The following LCLAT1 variants were observed in gnomAD, a reference collection of about 807,000 sequenced individuals.
LCLAT1 encodes the protein lysocardiolipin acyltransferase 1.
In LCLAT1, 11 loss-of-function variants were observed where a neutral mutation model predicts 30.7. That is an observed-to-expected ratio of 0.36 (90% confidence interval 0.23 to 0.59). The LOEUF is 0.59. Among genes scored for constraint, LCLAT1 ranks in the 20% least tolerant of loss-of-function variants. LCLAT1 has a pLI of 0.77. For synonymous variants in LCLAT1, 155 were observed against 151.3 expected, an observed-to-expected ratio of 1.02 and a Z score of -0.18; for missense variants, 402 against 458.6, an observed-to-expected ratio of 0.88 and a Z score of 1.13.
intron 3 of LCLAT1, chr2:30,552,627 GA>G: frequency 2.5e-6 from 1 of 392,402 alleles, no homozygotes; most frequent in Admixed American, 2.8e-5. Context: ...GAGGGATGTG[GA>G]GAGCATTACC....
At position 30,640,806 on chromosome 2, in the gene LCLAT1, T is replaced by C. The variant is rs748759571; in HGVS notation, c.*187T>C. 17 of 657,422 alleles carry C rather than the reference T, an allele frequency of 2.6e-5. No individual in the cohort carries two copies. The highest frequency in any genetic ancestry group is 4.0e-5 in the Non-Finnish European group (16 of 402,116). 40.7% of individuals were successfully genotyped at this position (657,422 alleles called of 1,614,324 possible). On this transcript the variant is annotated 3_prime_UTR_variant, in exon 6 of 6. Coordinates refer to ENST00000379509, the MANE Select transcript of LCLAT1 (RefSeq NM_001002257.3). The stretch of plus-strand genomic sequence containing the variant: ...TACAATTTTTTTTAATCTCTGAATG[T>C]AATTTCGATACTGTGTACATAGCAG...
At chr2:30,478,165 G>C (rs1039004264) in intron 1 of LCLAT1, among the ~76,000 whole-genome samples, 1 of 151,846 alleles carries the variant, frequency 6.6e-6, no homozygotes, top group African/African-American at 2.4e-5. Flanking sequence ...TGGGGTGTTA[G>C]GAGATAGTTT....
chr2:30,563,919 A>C lies in LCLAT1; in HGVS notation c.511+1627A>C, dbSNP rs753739845. ...GACACATCTATTGCAGATGGAACTG[A>C]GCTAAATGAACGGTGGCACTTTTTT... is the stretch of plus-strand genomic sequence containing the variant. On this transcript the variant is annotated intron_variant, in intron 4 of 5. Coordinates refer to ENST00000379509, the MANE Select transcript of LCLAT1 (RefSeq NM_001002257.3). Among the ~76,000 whole-genome samples, 8 of 152,320 alleles carry C rather than the reference A, an allele frequency of 5.3e-5. No individual in the cohort carries two copies. In the Middle Eastern group the frequency reaches 0.01, roughly 194 times the overall value.
intron 1 of LCLAT1, among the ~76,000 whole-genome samples, chr2:30,487,778 G>C (rs1319857584): frequency 1.3e-5 from 2 of 152,170 alleles, no homozygotes; most frequent in Non-Finnish European, 2.9e-5. Flanking sequence ...CTTGGGCTAA[G>C]TGCTGAACCA....
Position 30,447,348 on chromosome 2 carries a change from C to A in LCLAT1, c.-40C>A, listed in dbSNP as rs13404307. The A allele has an allele frequency of 0.12, 18,869 of 151,930 alleles. 1,313 individuals carry two copies. Among genetic ancestry groups the A allele is most frequent in the South Asian group, 0.23 (1,077 of 4,786 alleles). The allele number at this position is 151,930 out of a possible 1,614,324, so 9.4% of individuals were successfully genotyped here. On this transcript the variant is annotated 5_prime_UTR_variant, in exon 1 of 6. Coordinates refer to ENST00000379509, the MANE Select transcript of LCLAT1 (RefSeq NM_001002257.3). Reference sequence around the variant, plus strand: ...GGAGCCCCAGCTTGCCCACGCACCCCACTCGGCGTCGCGCGGCGTGCCCTG... The same window carrying A: ...GGAGCCCCAGCTTGCCCACGCACCCAACTCGGCGTCGCGCGGCGTGCCCTG...
At chr2:30,575,374 C>T (rs138603396) in intron 5 of LCLAT1, among the ~76,000 whole-genome samples, 1 of 152,100 alleles carries the variant, frequency 6.6e-6, no homozygotes, top group East Asian at 1.9e-4. Context: ...TATAGGTACT[C>T]AATAAATTTA....
intron 1 of LCLAT1, among the ~76,000 whole-genome samples, chr2:30,504,224 C>G (rs960528052): frequency 2.6e-5 from 4 of 151,876 alleles, no homozygotes; most frequent in Non-Finnish European, 5.9e-5. Context: ...ACATATATTA[C>G]ATGTAACATA....
intron 1 of LCLAT1, among the ~76,000 whole-genome samples, chr2:30,497,885 C>T (rs1195792867): frequency 5.3e-5 from 8 of 152,128 alleles, no homozygotes; most frequent in East Asian, 1.9e-4. Flanking sequence ...CTGCCTGCAC[C>T]ATGGAGTCCT....
intron 1 of LCLAT1, among the ~76,000 whole-genome samples, chr2:30,473,083 TTTCCATCTTGGAAAATA>T: frequency 6.6e-6 from 1 of 152,170 alleles, no homozygotes; most frequent in East Asian, 1.9e-4. Context: ...AGGAGAGAGA[TTTCCATCTTGGAAAATA>T]GTTTGTCTGG....
intron 3 of LCLAT1, among the ~76,000 whole-genome samples, chr2:30,551,682 G>C (rs1400205717): frequency 6.6e-6 from 1 of 152,182 alleles, no homozygotes; most frequent in Non-Finnish European, 1.5e-5. Context: ...TACGGGATCT[G>C]TTTCCTAGCC....
At chr2:30,600,817 T>TGAATGTTGGCCCGTCTTC (rs1345058945) in intron 5 of LCLAT1, among the ~76,000 whole-genome samples, 1 of 152,172 alleles carries the variant, frequency 6.6e-6, no homozygotes, top group East Asian at 1.9e-4. Context: ...TCCTGAGATT[T>TGAATGTTGGCCCGTCTTC]GAATGTTGGC....
At chr2:30,519,855 T>C (rs1685388464) in intron 1 of LCLAT1, among the ~76,000 whole-genome samples, 1 of 152,218 alleles carries the variant, frequency 6.6e-6, no homozygotes, top group Admixed American at 6.5e-5. Context: ...CGTTTGTTAC[T>C]GTTCGAGCTG....
intron 5 of LCLAT1, among the ~76,000 whole-genome samples, chr2:30,579,297 A>G (rs868663601): frequency 8.5e-5 from 13 of 152,158 alleles, no homozygotes; most frequent in Non-Finnish European, 1.6e-4. Flanking sequence ...TGTACATATT[A>G]TCTTTAAAGC....
chr2:30,519,115 G>A (rs1685344239), intron 1 of LCLAT1, among the ~76,000 whole-genome samples: 1 of 152,178 alleles, frequency 6.6e-6, no homozygotes, highest in African/African-American at 2.4e-5. Flanking sequence ...CCCTCACTGA[G>A]GAACACATCC....
intron 5 of LCLAT1, among the ~76,000 whole-genome samples, chr2:30,621,501 G>A (rs567442126): frequency 5.9e-5 from 9 of 152,250 alleles, no homozygotes; most frequent in Admixed American, 4.6e-4. Context: ...GACTCACATC[G>A]TGGGCTTTTG....
chr2:30,598,805 CTT>C (rs1667046561), intron 5 of LCLAT1, among the ~76,000 whole-genome samples: 1 of 152,082 alleles, frequency 6.6e-6, no homozygotes, highest in Non-Finnish European at 1.5e-5. Context: ...AAATTTCCCT[CTT>C]AACACTGCTT....
At position 30,612,978 on chromosome 2, in the gene LCLAT1, TAAATC is replaced by T. The variant is rs1228100257; in HGVS notation, c.629-27136_629-27132del. On this transcript the variant is annotated intron_variant, in intron 5 of 5. Transcript: ENST00000379509. ...CAGATGATGGGGCTTACAGAGAAAA[TAAATC>T]AAGGAAGAGGGAAGACTGAAGTAGG... 8.6e-5 allele frequency among the ~76,000 whole-genome samples: 13 copies of T among 151,878 alleles called. No homozygotes were observed. The South Asian group carries it at 1.0e-3, about 12-fold the overall frequency.
At chr2:30,592,484 A>G (rs1029423978) in intron 5 of LCLAT1, among the ~76,000 whole-genome samples, 6 of 152,156 alleles carry the variant, frequency 3.9e-5, no homozygotes, top group African/African-American at 1.4e-4. Context: ...ACCCTGTCTA[A>G]AGAAAAAAAG....
chr2:30,515,815 G>T (rs985153080), intron 1 of LCLAT1, among the ~76,000 whole-genome samples: 5 of 152,044 alleles, frequency 3.3e-5, no homozygotes, highest in African/African-American at 9.7e-5. Context: ...TTATTTTAAA[G>T]GGTTTTTAAA....
Sources: allele counts gnomAD v4.1 joint callset (sites outside exome capture counted in the v4.1 genomes callset), GRCh38; gene constraint gnomAD v4.1.1; transcripts MANE v1.5; gene names NCBI Gene and HGNC (gene_info 2026-07-23, HGNC 2026-07-21).